The following TFCP2L1 variants were observed in gnomAD, a reference collection of about 807,000 sequenced individuals.
TFCP2L1 encodes the protein transcription factor CP2 like 1.
A neutral mutation model predicts 72.2 loss-of-function variants in TFCP2L1; 12 were observed. That is an observed-to-expected ratio of 0.17 (90% CI 0.11 to 0.27). The LOEUF is 0.27. TFCP2L1 is among the 10% of genes least tolerant of loss of function. TFCP2L1 has a pLI of 1.00. For missense variants in TFCP2L1, 488 were observed against 624.6 expected, an observed-to-expected ratio of 0.78 and a Z score of 2.33; for synonymous variants, 260 against 251.0, an observed-to-expected ratio of 1.04 and a Z score of -0.34.
At position 121,239,629 on chromosome 2, in the gene TFCP2L1, C is replaced by A; in HGVS notation, c.789G>T (p.Val263=). ...ILTECSPWPD[V]AYQVNSAPSP... is the part of the protein sequence containing the mutation. ...ACGGGGCGCTGTTCACCTGGTAGGC[C>A]ACGTCGGGCCATGGAGAGCACTGCA... Residue 263 remains valine (V), a synonymous_variant, in exon 8 of 15, where the codon GTG becomes GTT. Transcript: ENST00000263707. 2.5e-6 allele frequency: 4 copies of A among 1,614,136 alleles called. No individual in the cohort carries two copies. The highest frequency in any genetic ancestry group is 3.4e-6 in the Non-Finnish European group (4 of 1,180,016).
intron 2 of TFCP2L1, among the ~76,000 whole-genome samples, chr2:121,271,463 G>A (rs984529792): frequency 1.3e-5 from 2 of 151,944 alleles, no homozygotes; most frequent in African/African-American, 4.8e-5. Flanking sequence ...AAAACAAGGG[G>A]AAAACATTTT....
chr2:121,264,580 G>A (rs1014617098), intron 2 of TFCP2L1, among the ~76,000 whole-genome samples: 1 of 152,226 alleles, frequency 6.6e-6, no homozygotes, highest in African/African-American at 2.4e-5. Context: ...GTGCTCTCAG[G>A]AGGCTTTGGT....
At chr2:121,284,358 A>G (rs1188152329) in intron 1 of TFCP2L1, among the ~76,000 whole-genome samples, 2 of 152,228 alleles carry the variant, frequency 1.3e-5, no homozygotes, top group East Asian at 1.9e-4. Context: ...CGGGAGCGAG[A>G]GCACACGGGG....
At position 121,234,140 on chromosome 2, in the gene TFCP2L1, T is replaced by G. The variant is rs1686198325; in HGVS notation, c.1149A>C (p.Arg383=). ...CGTCCCGCTTCTGCTGCAGGGGCAC[T>G]CGATTCTGCTCCAGCTCCTGACAGA... ...IYVCQELEQN[R]VPLQQKRDGS... is the part of the protein sequence containing the mutation. The change falls in exon 12 of 15, where the codon CGA becomes CGC. Residue 383 remains arginine, a synonymous_variant. Coordinates refer to ENST00000263707, the MANE Select transcript of TFCP2L1 (RefSeq NM_014553.3). 1 of 1,614,146 alleles carries G rather than the reference T, an allele frequency of 6.2e-7. No homozygotes were observed. Among genetic ancestry groups the G allele is most frequent in the East Asian group, 2.2e-5 (1 of 44,878 alleles).
chr2:121,252,929 C>T (rs939021793), intron 2 of TFCP2L1, among the ~76,000 whole-genome samples: 4 of 152,176 alleles, frequency 2.6e-5, no homozygotes, highest in Non-Finnish European at 4.4e-5. Flanking sequence ...CATCCCCGTG[C>T]TTTGGGAGGC....
intron 2 of TFCP2L1, among the ~76,000 whole-genome samples, chr2:121,280,067 C>A (rs145196388): frequency 6.6e-6 from 1 of 152,140 alleles, no homozygotes; most frequent in South Asian, 2.1e-4. Flanking sequence ...CACTTGCCCA[C>A]GTGTTCTGGA....
chr2:121,257,598 C>T (rs555929577), intron 2 of TFCP2L1, among the ~76,000 whole-genome samples: 2 of 152,246 alleles, frequency 1.3e-5, no homozygotes, highest in Non-Finnish European at 2.9e-5. Flanking sequence ...CTGCACCCCA[C>T]ATGTCCAACA....
chr2:121,225,670 C>T, intron 13 of TFCP2L1, 57 bp from the exon 14 acceptor site: 1 of 1,597,742 alleles, frequency 6.3e-7, no homozygotes, highest in Non-Finnish European at 8.6e-7. Context: ...ATTTGGAAAG[C>T]CTCGGTGGCA....
intron 12 of TFCP2L1, among the ~76,000 whole-genome samples, chr2:121,232,737 C>T (rs1050578893): frequency 6.6e-6 from 1 of 152,200 alleles, no homozygotes; most frequent in African/African-American, 2.4e-5. Context: ...GCCCGCAACA[C>T]AAACCATACT....
intron 2 of TFCP2L1, among the ~76,000 whole-genome samples, chr2:121,250,753 C>T (rs1290986810): frequency 6.6e-6 from 1 of 151,162 alleles, no homozygotes; most frequent in Non-Finnish European, 1.5e-5. Flanking sequence ...ATTACAGGCG[C>T]CTGCCACCAC....
Position 121,242,543 on chromosome 2 carries a change from C to T in TFCP2L1, c.658-74G>A, listed in dbSNP as rs1057357644. The T allele has an allele frequency of 7.0e-6, 10 of 1,429,122 alleles. No individual in the cohort carries two copies. The African/African-American group carries it at 1.1e-4, about 16-fold the overall frequency. The allele number at this position is 1,429,122 out of a possible 1,614,324, so 88.5% of individuals were successfully genotyped here. A position where few individuals can be genotyped will look rare whatever the true frequency, so the allele number is the denominator to read the frequency against. On this transcript the variant is annotated intron_variant, in intron 6 of 14. Transcript: ENST00000263707. ...CAGCCCCCAAGCCCTCTCCTGCTTC[C>T]CACCTCACCCAGGGCCCCAGGGCGC...
intron 2 of TFCP2L1, among the ~76,000 whole-genome samples, chr2:121,253,546 A>G (rs1686652999): frequency 1.3e-5 from 2 of 152,162 alleles, no homozygotes; most frequent in South Asian, 4.1e-4. Flanking sequence ...ATGAGGCCCA[A>G]TGTCCAGGTG....
intron 7 of TFCP2L1, chr2:121,240,686 A>C: frequency 3.0e-6 from 3 of 985,362 alleles, no homozygotes; most frequent in Non-Finnish European, 3.6e-6. Context: ...AGAGAGGTTG[A>C]GGCTGTTAGG....
intron 2 of TFCP2L1, among the ~76,000 whole-genome samples, chr2:121,255,135 C>T (rs1392744627): frequency 2.0e-5 from 3 of 152,218 alleles, no homozygotes; most frequent in African/African-American, 4.8e-5. Flanking sequence ...GTGTCACGTG[C>T]TGGGCACAAG....
chr2:121,228,907 T>A lies in TFCP2L1; in HGVS notation c.1341+2919A>T, dbSNP rs542437243. On this transcript the variant is annotated intron_variant, in intron 13 of 14. Coordinates refer to ENST00000263707, the MANE Select transcript of TFCP2L1 (RefSeq NM_014553.3). ...AATGTATGGCTGCGTGTTTGCTGCA[T>A]GTTTTAATTTTTTTTTATTTTTATA... Among the ~76,000 whole-genome samples, 9 of 151,306 alleles carry A rather than the reference T, an allele frequency of 5.9e-5. No individual in the cohort carries two copies. The South Asian group carries it at 1.7e-3, about 28-fold the overall frequency.
chr2:121,284,769 C>T (rs1486684807), intron 1 of TFCP2L1, among the ~76,000 whole-genome samples: 2 of 152,162 alleles, frequency 1.3e-5, no homozygotes, highest in Non-Finnish European at 2.9e-5. Context: ...GGCAGGTGCG[C>T]GCCCTGCACC....
At position 121,246,980 on chromosome 2, in the gene TFCP2L1, G is replaced by C. The variant is rs2104700653; in HGVS notation, c.505-10C>G. The C allele has an allele frequency of 1.2e-6, 2 of 1,614,036 alleles. No homozygotes were observed. The highest frequency in any genetic ancestry group is 1.7e-4 in the Middle Eastern group (1 of 6,058). On this transcript the variant is annotated splice_polypyrimidine_tract_variant and intron_variant, in intron 5 of 14. Transcript: ENST00000263707. The stretch of plus-strand genomic sequence containing the variant: ...TGCTGATGCAGTGTACCTGGGAGGA[G>C]AAACGTTGGGCAGGTGGCAAGGAGG...
intron 2 of TFCP2L1, among the ~76,000 whole-genome samples, chr2:121,259,373 A>T (rs1686789000): frequency 6.6e-6 from 1 of 152,214 alleles, no homozygotes; most frequent in Admixed American, 6.5e-5. Flanking sequence ...CCATATCGAT[A>T]GCTATCCCTA....
rs1160285845 is a variant in TFCP2L1, at chr2:121,285,063, G to A, written c.47C>T (p.Ser16Phe). ...TQPEHYNQHN[S>F]GSYLRDVLAL... ...CGGCCCTTACCGCAGGTAGCTGCCG[G>A]AGTTGTGCTGGTTGTAGTGCTCGGG... The change falls in exon 1 of 15, where the codon TCC becomes TTC. Residue 16 changes from serine to phenylalanine, a missense_variant. By Grantham distance (155) the Ser-to-Phe change is radical (BLOSUM62 -2). This residue lies in a region of TFCP2L1 where 73 missense variants were observed against 59.7 expected (regional missense o/e 1.22). Coordinates refer to ENST00000263707, the MANE Select transcript of TFCP2L1 (RefSeq NM_014553.3). 3 of 1,519,866 alleles carry A rather than the reference G, an allele frequency of 2.0e-6. No individual in the cohort carries two copies. The highest frequency in any genetic ancestry group is 2.6e-6 in the Non-Finnish European group (3 of 1,136,260). 94.1% of individuals were successfully genotyped at this position (1,519,866 alleles called of 1,614,324 possible). A position where few individuals can be genotyped will look rare whatever the true frequency, so the allele number is the denominator to read the frequency against.
Sources: gnomAD v4.1 joint callset for allele counts (sites outside exome capture counted in the v4.1 genomes callset) on GRCh38, gnomAD v4.1.1 for gene constraint, gnomAD v4.1.1 regional missense constraint, MANE v1.5 for transcripts, NCBI Gene and HGNC (gene_info 2026-07-23, HGNC 2026-07-21) for gene names.